The following RGS5 variants were observed in gnomAD, a reference collection of about 807,000 sequenced individuals.
RGS5 encodes regulator of G-protein signalling 5.
In RGS5, 20 loss-of-function variants were observed where a neutral mutation model predicts 18.9. That is an observed-to-expected ratio of 1.06 (90% confidence interval 0.74 to 1.54). The LOEUF (loss-of-function observed/expected upper bound fraction) is 1.54, where lower values mean the gene tolerates loss of function less well. Among genes scored for constraint, RGS5 ranks in the 40% most tolerant of loss-of-function variants. The pLI is 0.00. For missense variants in RGS5, 201 were observed against 211.8 expected (o/e 0.95, Z 0.32); for synonymous variants, 57 against 76.2 (o/e 0.75, Z 1.31).
At chr1:163,171,368 C>T (rs146766420) in intron 1 of RGS5, among the ~76,000 whole-genome samples, 1 of 152,262 alleles carries the variant, frequency 6.6e-6, no homozygotes, top group East Asian at 1.9e-4. Flanking sequence ...ATCCATAATC[C>T]ATATCCTCCT....
chr1:163,207,834 A>G (rs1557905595), upstream of RGS5, among the ~76,000 whole-genome samples: 1 of 152,166 alleles, frequency 6.6e-6, no homozygotes. Context: ...GAAAGACACT[A>G]AGAAAAGTGT....
intron 2 of RGS5, among the ~76,000 whole-genome samples, chr1:163,162,241 A>C (rs762337957): frequency 6.6e-6 from 1 of 152,134 alleles, no homozygotes; most frequent in Non-Finnish European, 1.5e-5. Context: ...AGTTCGTTTG[A>C]CATTAAGCTG....
intron 2 of RGS5, among the ~76,000 whole-genome samples, chr1:163,285,830 C>T (rs1649129526): frequency 1.3e-5 from 2 of 151,946 alleles, no homozygotes; most frequent in African/African-American, 2.4e-5. Context: ...GCCTACTTCC[C>T]CTTTGCCTTT....
intron 1 of RGS5, among the ~76,000 whole-genome samples, chr1:163,179,884 A>G (rs572639358): frequency 2.2e-4 from 33 of 152,298 alleles, no homozygotes; most frequent in Non-Finnish European, 3.7e-4. Flanking sequence ...CCTTCTTCCC[A>G]ATATCCCATT....
intron 1 of RGS5, among the ~76,000 whole-genome samples, chr1:163,198,391 C>T (rs1230586863): frequency 1.3e-5 from 2 of 151,992 alleles, no homozygotes; most frequent in Non-Finnish European, 2.9e-5. Context: ...GGGCTTGTAG[C>T]TCTTTAAAAT....
Position 163,264,156 on chromosome 1 carries a change from T to A in RGS5, c.-281+42077A>T, listed in dbSNP as rs12043431. On this transcript the variant is annotated intron_variant, in intron 2 of 5. Transcript: ENST00000618415. ...TTATTGTTTTGTTTGGTTTAAGGCA[T>A]TATATCTTTAGAGTACCCTCTGCTA... 2.6e-5 allele frequency among the ~76,000 whole-genome samples: 4 copies of A among 152,232 alleles called. No homozygotes were observed. In the East Asian group the frequency reaches 7.7e-4, roughly 29 times the overall value.
intron 2 of RGS5, among the ~76,000 whole-genome samples, chr1:163,279,032 A>T (rs1648927792): frequency 6.6e-6 from 1 of 152,136 alleles, no homozygotes; most frequent in Non-Finnish European, 1.5e-5. Flanking sequence ...AGCAAATATT[A>T]TTCGAGCTAA....
At chr1:163,256,652 C>A (rs990831412) in intron 2 of RGS5, among the ~76,000 whole-genome samples, 3 of 152,160 alleles carry the variant, frequency 2.0e-5, no homozygotes, top group African/African-American at 4.8e-5. Flanking sequence ...TTAAAAGATG[C>A]TTTTCTCCTA....
intron 1 of RGS5, among the ~76,000 whole-genome samples, chr1:163,179,522 G>A (rs12565879): frequency 0.2 from 30,714 of 151,980 alleles, 3,449 homozygotes; most frequent in African/African-American, 0.3. Flanking sequence ...AACATAGAAC[G>A]TAACATAGAG....
intron 1 of RGS5, among the ~76,000 whole-genome samples, chr1:163,188,951 C>CA (rs34767004): frequency 0.15 from 11,818 of 77,564 alleles, 897 homozygotes; most frequent in Non-Finnish European, 0.19. Flanking sequence ...GACCCCATCT[C>CA]AAAAAAAAAA....
In RGS5 at chr1:163,176,578, G is replaced by A. The variant is rs758046776; in HGVS notation, c.45-8210C>T. On this transcript the variant is annotated intron_variant, in intron 1 of 4. Transcript: ENST00000313961. ...GGAGGTTGTGGTGAGCTGAGATCAC[G>A]CCATTGCACTCCAGTCTGGGCAACA... Among the ~76,000 whole-genome samples the A allele has an allele frequency of 4.7e-5, 7 of 148,166 alleles. No homozygotes were observed. The East Asian group carries it at 6.0e-4, about 13-fold the overall frequency.
intron 1 of RGS5, among the ~76,000 whole-genome samples, chr1:163,314,870 T>G (rs1649974763): frequency 6.6e-6 from 1 of 152,160 alleles, no homozygotes; most frequent in Non-Finnish European, 1.5e-5. Flanking sequence ...AAGCAAGCCC[T>G]CACCAGACAT....
rs115194933 is a variant in RGS5 at position 163,176,988 on chromosome 1, G to A, written c.45-8620C>T. On this transcript the variant is annotated intron_variant, in intron 1 of 4. Transcript: ENST00000313961. ...TCTTTAGAAAGACCATGCTCCAAAG[G>A]TGGCTGCTGTAGCTGCCTCAGCTAT... is the stretch of plus-strand genomic sequence containing the variant. Among the ~76,000 whole-genome samples, 464 of 152,282 alleles carry A rather than the reference G, an allele frequency of 3.0e-3. 2 individuals carry two copies. Among genetic ancestry groups the A allele is most frequent in the Middle Eastern group, 0.014 (4 of 292 alleles).
At chr1:163,313,909 T>G (rs1273395442) in intron 1 of RGS5, among the ~76,000 whole-genome samples, 1 of 152,162 alleles carries the variant, frequency 6.6e-6, no homozygotes, top group Non-Finnish European at 1.5e-5. Context: ...TAACATTAAT[T>G]ACTTGGGTTC....
At chr1:163,279,178 T>C (rs1648930617) in intron 2 of RGS5, among the ~76,000 whole-genome samples, 1 of 152,068 alleles carries the variant, frequency 6.6e-6, no homozygotes, top group Admixed American at 6.6e-5. Flanking sequence ...ATAAATTTAG[T>C]AGACATTTAC....
At chr1:163,148,020 C>T (rs542140758) in intron 4 of RGS5, among the ~76,000 whole-genome samples, 7 of 149,516 alleles carry the variant, frequency 4.7e-5, no homozygotes, top group South Asian at 2.1e-4. Context: ...CTCTGCCTTC[C>T]GGGTTCAAGT....
At chr1:163,298,242 A>G (rs1034918374) in intron 2 of RGS5, among the ~76,000 whole-genome samples, 1 of 152,170 alleles carries the variant, frequency 6.6e-6, no homozygotes, top group African/African-American at 2.4e-5. Flanking sequence ...ATACAAATAA[A>G]GATAACTAAT....
chr1:163,157,712 A>C (rs999304487), intron 3 of RGS5, among the ~76,000 whole-genome samples: 20 of 61,754 alleles, frequency 3.2e-4, no homozygotes, highest in African/African-American at 1.4e-3. Flanking sequence ...AACATGCAAA[A>C]AGAGATGGTG....
intron 1 of RGS5, among the ~76,000 whole-genome samples, chr1:163,215,213 G>A (rs1314074887): frequency 2.0e-5 from 3 of 152,116 alleles, no homozygotes; most frequent in South Asian, 2.1e-4. Context: ...GTATTTCATC[G>A]TATATAGTCA....
Sources: allele counts gnomAD v4.1 joint callset (sites outside exome capture counted in the v4.1 genomes callset), GRCh38; gene constraint gnomAD v4.1.1; transcripts MANE v1.5; gene names NCBI Gene and HGNC (gene_info 2026-07-23, HGNC 2026-07-21).